PPP2R2B: variants seen among roughly 807,000 people sequenced by gnomAD.
PPP2R2B encodes serine/threonine-protein phosphatase 2A 55 kDa regulatory subunit B beta isoform.
In PPP2R2B, 5 loss-of-function variants were observed where a neutral mutation model predicts 46.0. That is an observed-to-expected ratio of 0.11 (90% CI 0.06 to 0.23). The LOEUF (loss-of-function observed/expected upper bound fraction) is 0.23. PPP2R2B is among the 10% of genes least tolerant of loss of function. The probability of loss-of-function intolerance (pLI) is 1.00; values close to 1 mark genes in which losing one functional copy is unlikely to be tolerated. For synonymous variants in PPP2R2B, 215 were observed against 206.7 expected, an observed-to-expected ratio of 1.04 and a Z score of -0.34; for missense variants, 367 against 575.0, an observed-to-expected ratio of 0.64 and a Z score of 3.70.
intron 1 of PPP2R2B, among the ~76,000 whole-genome samples, chr5:147,045,643 G>GAT (rs949944000): frequency 7.2e-5 from 11 of 152,060 alleles, no homozygotes; most frequent in South Asian, 2.1e-4. Flanking sequence ...CCGCAAATAT[G>GAT]ATATATATAT....
chr5:146,600,743 T>C (rs904764309), intron 7 of PPP2R2B, among the ~76,000 whole-genome samples: 2 of 152,200 alleles, frequency 1.3e-5, no homozygotes, highest in South Asian at 4.1e-4. Flanking sequence ...CTGTTTCCCT[T>C]GGTATCTGGG....
chr5:146,791,837 A>G (rs1173738647), intron 2 of PPP2R2B, among the ~76,000 whole-genome samples: 2 of 152,176 alleles, frequency 1.3e-5, no homozygotes, highest in Non-Finnish European at 2.9e-5. Flanking sequence ...TCTTCTGCCA[A>G]TAATCCCCTG....
At chr5:147,047,833 A>C (rs1023791452) in intron 1 of PPP2R2B, among the ~76,000 whole-genome samples, 9 of 152,178 alleles carry the variant, frequency 5.9e-5, no homozygotes, top group African/African-American at 2.2e-4. Context: ...CATGGCAGCC[A>C]CTTTTCTGCC....
intron 1 of PPP2R2B, among the ~76,000 whole-genome samples, chr5:146,952,915 G>T (rs548500150): frequency 5.8e-4 from 89 of 152,272 alleles, no homozygotes; most frequent in African/African-American, 2.0e-3. Context: ...AGAAACAGCA[G>T]ATAATAAGTG....
chr5:146,890,433 A>G (rs1267768932), intron 1 of PPP2R2B, among the ~76,000 whole-genome samples: 2 of 152,208 alleles, frequency 1.3e-5, no homozygotes, highest in Admixed American at 1.3e-4. Flanking sequence ...TTTGGAGGAA[A>G]TCTGAAAAGT....
chr5:146,618,631 C>G (rs941520804), intron 7 of PPP2R2B, among the ~76,000 whole-genome samples: 5 of 152,212 alleles, frequency 3.3e-5, no homozygotes, highest in Admixed American at 1.3e-4. Context: ...TCCCTTTCAG[C>G]AGCTGCCCCT....
chr5:147,010,765 T>C (rs1187196832), intron 1 of PPP2R2B, among the ~76,000 whole-genome samples: 1 of 151,892 alleles, frequency 6.6e-6, no homozygotes, highest in African/African-American at 2.4e-5. Context: ...GGCCTGGGAG[T>C]TGGGGACCCT....
chr5:146,739,754 T>C (rs1391961970), intron 2 of PPP2R2B, among the ~76,000 whole-genome samples: 1 of 152,216 alleles, frequency 6.6e-6, no homozygotes, highest in Non-Finnish European at 1.5e-5. Context: ...TCTGCTTCCA[T>C]TTCTATCCTG....
intron 1 of PPP2R2B, among the ~76,000 whole-genome samples, chr5:146,957,449 T>A (rs1162781866): frequency 6.6e-6 from 1 of 152,228 alleles, no homozygotes; most frequent in Non-Finnish European, 1.5e-5. Context: ...GGGGGCACAG[T>A]AGGAATTTTA....
At chr5:146,641,787 G>T (rs1419708009) in intron 6 of PPP2R2B, among the ~76,000 whole-genome samples, 1 of 152,178 alleles carries the variant, frequency 6.6e-6, no homozygotes, top group Non-Finnish European at 1.5e-5. Context: ...GGAGAAAGAA[G>T]ATGAGCAATT....
At chr5:147,070,701 T>G (rs937319730) in intron 2 of PPP2R2B, among the ~76,000 whole-genome samples, 11 of 152,168 alleles carry the variant, frequency 7.2e-5, no homozygotes, top group Admixed American at 3.3e-4. Flanking sequence ...TGGTTAAGCC[T>G]TATCTGTCTT....
At chr5:146,841,118 G>A (rs1324556506) in intron 2 of PPP2R2B, among the ~76,000 whole-genome samples, 1 of 152,142 alleles carries the variant, frequency 6.6e-6, no homozygotes, top group South Asian at 2.1e-4. Flanking sequence ...GCTTATGGAG[G>A]ATTATTCAAT....
chr5:146,688,233 T>A (rs1239913776), intron 5 of PPP2R2B, among the ~76,000 whole-genome samples: 1 of 151,898 alleles, frequency 6.6e-6, no homozygotes, highest in Non-Finnish European at 1.5e-5. Flanking sequence ...ATAGCAAATA[T>A]AACATGTCCC....
intron 2 of PPP2R2B, among the ~76,000 whole-genome samples, chr5:146,762,556 A>G (rs1207545541): frequency 6.6e-6 from 1 of 152,242 alleles, no homozygotes; most frequent in Non-Finnish European, 1.5e-5. Context: ...AACAGTTTTT[A>G]GTAGTTATTT....
At chr5:146,603,821 CAG>C (rs1772008590) in intron 7 of PPP2R2B, among the ~76,000 whole-genome samples, 2 of 152,130 alleles carry the variant, frequency 1.3e-5, no homozygotes. Context: ...AACTAAGGCA[CAG>C]AGAGGTTTTA....
intron 2 of PPP2R2B, among the ~76,000 whole-genome samples, chr5:146,859,325 A>C (rs1760849555): frequency 6.6e-6 from 1 of 152,292 alleles, no homozygotes. Context: ...ATTTTACATA[A>C]CTCCTTCCTT....
At chr5:147,076,976 C>T (rs780971953) in intron 2 of PPP2R2B, among the ~76,000 whole-genome samples, 2 of 143,512 alleles carry the variant, frequency 1.4e-5, no homozygotes, top group African/African-American at 5.6e-5. Flanking sequence ...TACTTGATAC[C>T]CAAGATGCAC....
intron 2 of PPP2R2B, among the ~76,000 whole-genome samples, chr5:146,864,015 A>C (rs912200292): frequency 3.3e-5 from 5 of 152,200 alleles, no homozygotes; most frequent in African/African-American, 1.2e-4. Context: ...CGATTTTAGA[A>C]GGAAATTTAT....
chr5:146,880,298 G>A (rs953063651), upstream of PPP2R2B, among the ~76,000 whole-genome samples: 1 of 150,934 alleles, frequency 6.6e-6, no homozygotes, highest in African/African-American at 2.4e-5. Context: ...TTATACACTT[G>A]TTTGTTCAAA....
Sources: gnomAD v4.1 joint callset for allele counts (sites outside exome capture counted in the v4.1 genomes callset) on GRCh38, gnomAD v4.1.1 for gene constraint, MANE v1.5 for transcripts, NCBI Gene and HGNC (gene_info 2026-07-23, HGNC 2026-07-21) for gene names.